NMD3: variants seen among roughly 807,000 people sequenced by gnomAD.
NMD3 encodes NMD3 ribosome export adaptor.
Under a neutral mutation model 73.1 loss-of-function variants are expected in NMD3, and 47 were observed. The observed-to-expected ratio is 0.64, with a 90% CI of 0.51 to 0.82. The LOEUF is 0.82. NMD3 is among the 40% of genes least tolerant of loss of function. NMD3 has a pLI of 0.00. For missense variants in NMD3, 554 were observed against 612.5 expected, an observed-to-expected ratio of 0.90 and a Z score of 1.01; for synonymous variants, 210 against 194.5, an observed-to-expected ratio of 1.08 and a Z score of -0.66.
intron 4 of NMD3, among the ~76,000 whole-genome samples, chr3:161,231,758 T>C (rs1394515379): frequency 6.6e-6 from 1 of 151,696 alleles, no homozygotes; most frequent in African/African-American, 2.4e-5. Flanking sequence ...GAGAGAGAAA[T>C]CAGGAGATCT....
At chr3:161,250,378 C>A in intron 15 of NMD3, 52 bp downstream of exon 15, 3 of 1,043,778 alleles carry the variant, frequency 2.9e-6, no homozygotes, top group Non-Finnish European at 4.3e-6. Context: ...AAGTATAGTT[C>A]CTAGTATGAA....
Position 161,249,501 on chromosome 3 carries a change from A to T in NMD3, c.1251A>T (p.Arg417Ser). The change falls in exon 14 of 16, where the codon AGA becomes AGT. Residue 417 changes from arginine (R) to serine (S), a missense_variant. Transcript: ENST00000351193. Reference protein sequence around the residue: ...SYDRTKRQRRRNWKLKELARE... With the variant: ...SYDRTKRQRRSNWKLKELARE... Reference sequence around the variant, plus strand: ...ACCGGACCAAACGTCAGCGTCGTAGAAACTGGAAATTGAAAGAGCTTGCAA... The same window carrying T: ...ACCGGACCAAACGTCAGCGTCGTAGTAACTGGAAATTGAAAGAGCTTGCAA... The T allele has an allele frequency of 6.2e-7, 1 of 1,613,010 alleles. No homozygotes were observed. Among genetic ancestry groups the T allele is most frequent in the Non-Finnish European group, 8.5e-7 (1 of 1,179,436 alleles).
At chr3:161,231,956 C>T (rs1011813533) in intron 4 of NMD3, among the ~76,000 whole-genome samples, 1 of 151,756 alleles carries the variant, frequency 6.6e-6, no homozygotes, top group Non-Finnish European at 1.5e-5. Flanking sequence ...ACTGAGGTGT[C>T]TGGGACTATG....
chr3:161,227,272 A>C lies in NMD3; in HGVS notation c.205A>C (p.Ile69Leu), dbSNP rs755353137. 6.2e-7 allele frequency: 1 copy of C among 1,611,642 alleles called. No homozygotes were observed. The highest frequency in any genetic ancestry group is 1.7e-5 in the Admixed American group (1 of 59,760). Residue 69 changes from isoleucine (I) to leucine (L), a missense_variant, in exon 4 of 16, where the codon ATA becomes CTA. Physicochemically the swap from Ile to Leu is conservative, Grantham distance 5. Transcript: ENST00000351193. ...QRYFQPPGTW[I>L]QCALESRELL... Reference sequence around the variant, plus strand: ...GTATTTTCAACCACCAGGAACTTGGATACAGTGTGCTTTAGAATCCAGGGA... The same window carrying C: ...GTATTTTCAACCACCAGGAACTTGGCTACAGTGTGCTTTAGAATCCAGGGA...
At chr3:161,227,474 G>A in intron 4 of NMD3, 131 bp downstream of exon 4, 1 of 523,486 alleles carries the variant, frequency 1.9e-6, no homozygotes, top group Non-Finnish European at 3.2e-6. Context: ...GTGGGGTCTT[G>A]AACTGTCACC....
At chr3:161,233,737 T>A (rs1353109832) in intron 5 of NMD3, among the ~76,000 whole-genome samples, 1 of 151,800 alleles carries the variant, frequency 6.6e-6, no homozygotes, top group Non-Finnish European at 1.5e-5. Flanking sequence ...TCTAAGGTAC[T>A]GATCCTCAAA....
Position 161,224,632 on chromosome 3 carries a change from G to A in NMD3, c.45-298G>A, listed in dbSNP as rs184415339. Among the ~76,000 whole-genome samples, 43 of 152,062 alleles carry A rather than the reference G, an allele frequency of 2.8e-4. 1 individual carries two copies. Among genetic ancestry groups the A allele is most frequent in the East Asian group, 7.7e-4 (4 of 5,162 alleles). ...CTCCCAAGTAGCTGGGATTACAGGC[G>A]TGCGCCACCATGCCTGGCTAATTTT... On this transcript the variant is annotated intron_variant, in intron 2 of 15. Transcript: ENST00000351193.
intron 9 of NMD3, 47 bp from the exon 10 acceptor site, chr3:161,240,999 T>A (rs1310845360): frequency 3.4e-6 from 4 of 1,179,188 alleles, no homozygotes; most frequent in Non-Finnish European, 5.0e-6. Flanking sequence ...TTTATTGGAC[T>A]GTTATTTAGG....
chr3:161,237,817 C>T (rs1300758383), intron 7 of NMD3, among the ~76,000 whole-genome samples: 2 of 152,026 alleles, frequency 1.3e-5, no homozygotes, highest in South Asian at 2.1e-4. Flanking sequence ...CATGAGCCAC[C>T]GCACCCGGCT....
chr3:161,245,785 A>G (rs1330251458), intron 11 of NMD3, among the ~76,000 whole-genome samples: 1 of 151,962 alleles, frequency 6.6e-6, no homozygotes, highest in African/African-American at 2.4e-5. Flanking sequence ...GTACTATATT[A>G]TATATAGCAG....
At chr3:161,221,954 T>TCCCAACA (rs1472777575) in intron 1 of NMD3, 40 bp from the exon 2 acceptor site, 27 of 1,154,398 alleles carry the variant, frequency 2.3e-5, no homozygotes, top group African/African-American at 4.2e-5. Context: ...AATCCCAACA[T>TCCCAACA]TCTCTTTTTT....
intron 4 of NMD3, among the ~76,000 whole-genome samples, chr3:161,232,698 T>C (rs1292848355): frequency 1.3e-5 from 2 of 152,154 alleles, no homozygotes; most frequent in Non-Finnish European, 2.9e-5. Context: ...ATCTTACAGA[T>C]TTTTATCTCC....
intron 7 of NMD3, among the ~76,000 whole-genome samples, chr3:161,236,743 G>A (rs769320395): frequency 2.0e-4 from 31 of 152,224 alleles, no homozygotes; most frequent in Non-Finnish European, 3.8e-4. Context: ...TTTTTGTGCA[G>A]AGTGTGAGAT....
intron 12 of NMD3, 141 bp downstream of exon 12, chr3:161,246,589 G>T: frequency 2.4e-6 from 1 of 417,830 alleles, no homozygotes; most frequent in Non-Finnish European, 4.3e-6. Context: ...TCATTTTATT[G>T]TTGATAACTA....
At chr3:161,235,498 C>T (rs1249608218) in intron 7 of NMD3, among the ~76,000 whole-genome samples, 1 of 151,990 alleles carries the variant, frequency 6.6e-6, no homozygotes, top group Non-Finnish European at 1.5e-5. Flanking sequence ...TGTTTCATAC[C>T]TAAGTATGAT....
chr3:161,247,662 G>A (rs1263932562), intron 13 of NMD3, among the ~76,000 whole-genome samples: 1 of 151,676 alleles, frequency 6.6e-6, no homozygotes, highest in Non-Finnish European at 1.5e-5. Context: ...GGTAGTGCAA[G>A]CTTGTAATCC....
chr3:161,225,148 G>T (rs1259767959), intron 3 of NMD3, 84 bp downstream of exon 3: 1 of 1,396,290 alleles, frequency 7.2e-7, no homozygotes, highest in Non-Finnish European at 9.7e-7. Flanking sequence ...TTACACGAAG[G>T]TATATGGAGT....
At chr3:161,250,012 C>T (rs1477141453) in intron 14 of NMD3, among the ~76,000 whole-genome samples, 1 of 151,980 alleles carries the variant, frequency 6.6e-6, no homozygotes, top group Admixed American at 6.6e-5. Context: ...TGTGTTATTC[C>T]TCAAATAATT....
chr3:161,221,972 T>C lies in NMD3; in HGVS notation c.-20-22T>C, dbSNP rs767346000. 612 of 545,072 alleles carry C rather than the reference T, an allele frequency of 1.1e-3. 7 individuals are homozygous for C. The African/African-American group carries it at 0.019, about 17-fold the overall frequency. The allele number at this position is 545,072 out of a possible 1,614,324, so 33.8% of individuals were successfully genotyped here. A position where few individuals can be genotyped will look rare whatever the true frequency, so the allele number is the denominator to read the frequency against. On this transcript the variant is annotated intron_variant, in intron 1 of 15. Transcript: ENST00000351193. Reference sequence around the variant, plus strand: ...CCCAACATTCTCTTTTTTTTTTTTTTTTTTTTTTTTTTTTTTAAAAGAACT... The same window carrying C: ...CCCAACATTCTCTTTTTTTTTTTTTCTTTTTTTTTTTTTTTTAAAAGAACT...
Sources: allele counts gnomAD v4.1 joint callset (sites outside exome capture counted in the v4.1 genomes callset), GRCh38; gene constraint gnomAD v4.1.1; transcripts MANE v1.5; gene names NCBI Gene and HGNC (gene_info 2026-07-23, HGNC 2026-07-21).